DCAF1: variants seen among roughly 807,000 people sequenced by gnomAD.
The protein encoded by DCAF1 is DDB1- and CUL4-associated factor 1.
A neutral mutation model predicts 128.0 loss-of-function variants in DCAF1; 15 were observed. The ratio of observed to expected loss-of-function variants is 0.12; its 90% CI spans 0.08 to 0.18. DCAF1 has a LOEUF of 0.18. Among genes scored for constraint, DCAF1 ranks in the 10% least tolerant of loss-of-function variants. The pLI is 1.00. For synonymous variants in DCAF1, 610 were observed against 603.0 expected, an observed-to-expected ratio of 1.01 and a Z score of -0.17; for missense variants, 988 against 1,649.5, an observed-to-expected ratio of 0.60 and a Z score of 6.95.
At chr3:51,417,287 C>A (rs142945419) in intron 17 of DCAF1, among the ~76,000 whole-genome samples, 17 of 152,242 alleles carry the variant, frequency 1.1e-4, no homozygotes, top group Non-Finnish European at 1.6e-4. Flanking sequence ...GGCGTGGTGG[C>A]ATATGCCTGT....
At chr3:51,396,241 G>C (rs2089194399), downstream of DCAF1, 2 of 273,196 alleles carry the variant, frequency 7.3e-6, no homozygotes, top group Non-Finnish European at 1.5e-5. Context: ...AACGTGCCTA[G>C]AGAAGACACT....
intron 6 of DCAF1, among the ~76,000 whole-genome samples, chr3:51,448,588 T>TA (rs1333565742): frequency 2.6e-5 from 4 of 152,248 alleles, no homozygotes; most frequent in Non-Finnish European, 5.9e-5. Flanking sequence ...GGACTTTTCT[T>TA]AGAGTTCTGA....
At chr3:51,460,375 G>A (rs1368632840) in intron 6 of DCAF1, among the ~76,000 whole-genome samples, 1 of 152,098 alleles carries the variant, frequency 6.6e-6, no homozygotes, top group Non-Finnish European at 1.5e-5. Flanking sequence ...ACCTCTTCAA[G>A]GAGAACTACA....
At chr3:51,497,596 A>G (rs185559956) in intron 1 of DCAF1, among the ~76,000 whole-genome samples, 7 of 151,180 alleles carry the variant, frequency 4.6e-5, no homozygotes, top group African/African-American at 1.5e-4. Flanking sequence ...CAAAAAAAAG[A>G]AAAAAAAATT....
At chr3:51,496,199 G>A (rs550993608) in intron 2 of DCAF1, among the ~76,000 whole-genome samples, 20 of 152,222 alleles carry the variant, frequency 1.3e-4, no homozygotes, top group South Asian at 6.2e-4. Flanking sequence ...GGCCGAGGCC[G>A]GCAGATCACA....
At chr3:51,413,094 G>A in intron 21 of DCAF1, 28 bp from the exon 22 acceptor site, 1 of 1,613,308 alleles carries the variant, frequency 6.2e-7, no homozygotes, top group South Asian at 1.1e-5. Flanking sequence ...AGAAGATTGG[G>A]ATTGGACTAT....
chr3:51,486,471 G>A (rs1260816908), intron 2 of DCAF1, among the ~76,000 whole-genome samples: 1 of 151,530 alleles, frequency 6.6e-6, no homozygotes, highest in African/African-American at 2.4e-5. Context: ...TGAGACAACA[G>A]GTGTGAGCCA....
Position 51,463,190 on chromosome 3 carries a change from G to C in DCAF1, c.299C>G (p.Pro100Arg). ...GAGTCTGCAAGCTGCAGTGTTTAAA[G>C]GGGGCTCTCGGCTTGTCATCACATA... is the stretch of plus-strand genomic sequence containing the variant. ...NAYVMTSREPPLNTAACRLLL... is the reference protein window; with the variant it reads ...NAYVMTSREPRLNTAACRLLL... The change falls in exon 6 of 25, where the codon CCT (proline) becomes CGT (arginine). Residue 100 changes from proline to arginine, a missense_variant. Transcript: ENST00000684031. The C allele has an allele frequency of 6.3e-7, 1 of 1,593,374 alleles. No homozygotes were observed. The highest frequency in any genetic ancestry group is 2.3e-5 in the East Asian group (1 of 43,738).
intron 18 of DCAF1, 150 bp from the exon 19 acceptor site, chr3:51,415,007 C>T (rs1240054361): frequency 1.5e-6 from 2 of 1,307,648 alleles, no homozygotes; most frequent in African/African-American, 1.5e-5. Flanking sequence ...TCCCAAAGTG[C>T]TGGGATTACA....
intron 18 of DCAF1, 98 bp from the exon 19 acceptor site, chr3:51,414,955 C>A (rs1465773983): frequency 1.4e-6 from 2 of 1,458,744 alleles, no homozygotes; most frequent in East Asian, 2.5e-5. Flanking sequence ...AATTAACACA[C>A]AAATTCTCCA....
intron 24 of DCAF1, among the ~76,000 whole-genome samples, chr3:51,399,255 C>A (rs1380211081): frequency 6.6e-6 from 1 of 152,232 alleles, no homozygotes; most frequent in African/African-American, 2.4e-5. Flanking sequence ...ACTAGAAAGG[C>A]AGGCTAAGAC....
intron 3 of DCAF1, among the ~76,000 whole-genome samples, chr3:51,479,783 G>A (rs369094299): frequency 2.6e-4 from 39 of 152,152 alleles, no homozygotes; most frequent in African/African-American, 8.9e-4. Context: ...GCAACAGAGC[G>A]AGACTCCGTC....
At chr3:51,399,681 G>A in intron 24 of DCAF1, among the ~76,000 whole-genome samples, 1 of 149,656 alleles carries the variant, frequency 6.7e-6, no homozygotes, top group East Asian at 2.2e-4. Context: ...AAAGAAACAG[G>A]GTACCTAGCT....
chr3:51,422,826 G>A (rs1238980311), intron 13 of DCAF1, among the ~76,000 whole-genome samples: 1 of 152,108 alleles, frequency 6.6e-6, no homozygotes, highest in East Asian at 1.9e-4. Flanking sequence ...CACTTTAGGA[G>A]GCCAAGGTGG....
At chr3:51,448,331 T>C (rs1242614315) in intron 6 of DCAF1, among the ~76,000 whole-genome samples, 1 of 152,216 alleles carries the variant, frequency 6.6e-6, no homozygotes, top group African/African-American at 2.4e-5. Flanking sequence ...ATCTTCATTA[T>C]TAGTTACCCT....
intron 6 of DCAF1, among the ~76,000 whole-genome samples, chr3:51,459,746 G>A (rs1703333798): frequency 6.6e-6 from 1 of 152,178 alleles, no homozygotes; most frequent in Non-Finnish European, 1.5e-5. Context: ...TGCAAGGCTG[G>A]TTCAACATAT....
chr3:51,492,011 C>T (rs1370866898), intron 2 of DCAF1, among the ~76,000 whole-genome samples: 1 of 151,118 alleles, frequency 6.6e-6, no homozygotes, highest in African/African-American at 2.4e-5. Flanking sequence ...AAGAAATTGG[C>T]CAGGTGTGGT....
intron 23 of DCAF1, among the ~76,000 whole-genome samples, chr3:51,411,964 A>G (rs1236542239): frequency 1.3e-5 from 2 of 151,740 alleles, no homozygotes; most frequent in African/African-American, 4.8e-5. Context: ...TACACAAAAA[A>G]TAGCCAGGCG....
Position 51,483,833 on chromosome 3 carries a change from T to C in DCAF1, c.-5A>G. On this transcript the variant is annotated 5_prime_UTR_variant, in exon 3 of 25. Transcript: ENST00000684031. ...ATGTACCACTACTGTAGTCATGGCT[T>C]TGCCTAAGGAAGCAAAAATAAAAAT... 1 of 1,606,936 alleles carries C rather than the reference T, an allele frequency of 6.2e-7. No individual in the cohort carries two copies. Among genetic ancestry groups the C allele is most frequent in the Non-Finnish European group, 8.5e-7 (1 of 1,174,772 alleles).
Sources: allele counts gnomAD v4.1 joint callset (sites outside exome capture counted in the v4.1 genomes callset), GRCh38; gene constraint gnomAD v4.1.1; transcripts MANE v1.5; gene names NCBI Gene and HGNC (gene_info 2026-07-23, HGNC 2026-07-21).